The following CEP192 variants were observed in gnomAD, a reference collection of about 807,000 sequenced individuals.
CEP192 encodes centrosomal protein 192, also known as centrosomal protein of 192 kDa.
A neutral mutation model predicts 271.8 loss-of-function variants in CEP192; 151 were observed. The ratio of observed to expected loss-of-function variants is 0.56; its 90% CI spans 0.49 to 0.64. The LOEUF (loss-of-function observed/expected upper bound fraction) is 0.64. Among genes scored for constraint, CEP192 ranks in the 30% least tolerant of loss-of-function variants. The pLI is 0.00. For synonymous variants in CEP192, 995 were observed against 1,076.5 expected, an observed-to-expected ratio of 0.92 and a Z score of 1.48; for missense variants, 2,910 against 3,020.5, an observed-to-expected ratio of 0.96 and a Z score of 0.86.
At chr18:13,028,903 T>G (rs2035460284) in intron 9 of CEP192, among the ~76,000 whole-genome samples, 1 of 152,264 alleles carries the variant, frequency 6.6e-6, no homozygotes, top group African/African-American at 2.4e-5. Context: ...ATGTCTTTCT[T>G]ATTCGAAAGT....
At chr18:13,107,100 A>T (rs2144981550) in intron 40 of CEP192, among the ~76,000 whole-genome samples, 1 of 152,328 alleles carries the variant, frequency 6.6e-6, no homozygotes, top group South Asian at 2.1e-4. Flanking sequence ...ATATAGATTT[A>T]ATCTTCATAA....
At chr18:13,011,152 G>A (rs193293243) in intron 4 of CEP192, among the ~76,000 whole-genome samples, 2 of 151,678 alleles carry the variant, frequency 1.3e-5, no homozygotes, top group Non-Finnish European at 2.9e-5. Flanking sequence ...ACTTGAACCT[G>A]GGAGGTGGAG....
chr18:13,086,716 A>G (rs1364256277), intron 30 of CEP192, among the ~76,000 whole-genome samples: 1 of 152,214 alleles, frequency 6.6e-6, no homozygotes, highest in African/African-American at 2.4e-5. Flanking sequence ...TAAACTTCTT[A>G]ATCAAGCATA....
chr18:13,060,637 G>T (rs1036304179), intron 21 of CEP192, among the ~76,000 whole-genome samples: 1 of 152,030 alleles, frequency 6.6e-6, no homozygotes. Context: ...AAAATTAGTT[G>T]ATTTCACCTG....
At chr18:13,041,431 T>A (rs1444006185) in intron 14 of CEP192, among the ~76,000 whole-genome samples, 3 of 152,182 alleles carry the variant, frequency 2.0e-5, no homozygotes, top group Non-Finnish European at 4.4e-5. Context: ...TAAAGTTGTA[T>A]AAGATATGCT....
intron 36 of CEP192, among the ~76,000 whole-genome samples, chr18:13,098,710 A>G (rs1346433582): frequency 6.8e-6 from 1 of 146,530 alleles, no homozygotes; most frequent in Non-Finnish European, 1.5e-5. Flanking sequence ...GCAGCCAGGC[A>G]GAGGGGCCCC....
chr18:13,041,539 A>G (rs1302613393), intron 14 of CEP192, among the ~76,000 whole-genome samples: 2 of 149,946 alleles, frequency 1.3e-5, no homozygotes, highest in Non-Finnish European at 3.0e-5. Flanking sequence ...AGATGCACCC[A>G]CTTATTTCTT....
At chr18:12,995,693 G>A (rs1489260889) in intron 1 of CEP192, among the ~76,000 whole-genome samples, 1 of 152,234 alleles carries the variant, frequency 6.6e-6, no homozygotes, top group Non-Finnish European at 1.5e-5. Flanking sequence ...CAGTACTATA[G>A]AACAGAGAAA....
chr18:13,074,436 G>C (rs2038169804), intron 30 of CEP192, among the ~76,000 whole-genome samples: 1 of 152,150 alleles, frequency 6.6e-6, no homozygotes, highest in Admixed American at 6.5e-5. Flanking sequence ...TTTGTGGAGA[G>C]GACTAAATGG....
chr18:13,106,675 A>G (rs2039969341), intron 40 of CEP192, among the ~76,000 whole-genome samples: 3 of 150,072 alleles, frequency 2.0e-5, no homozygotes, highest in Non-Finnish European at 3.0e-5. Flanking sequence ...TACCACCACC[A>G]CCGCCACCAC....
At chr18:13,087,747 T>A in intron 32 of CEP192, 101 bp downstream of exon 32, 2 of 482,706 alleles carry the variant, frequency 4.1e-6, no homozygotes, top group Non-Finnish European at 7.2e-6. Flanking sequence ...TCACTATTTA[T>A]TAGTGAACTG....
chr18:13,081,221 G>A lies in CEP192; in HGVS notation c.5617-5796G>A, dbSNP rs1357273381. Among the ~76,000 whole-genome samples the A allele has an allele frequency of 2.0e-5, 3 of 152,164 alleles. No homozygotes were observed. In the East Asian group the frequency reaches 5.8e-4, roughly 29 times the overall value. The stretch of plus-strand genomic sequence containing the variant: ...AATAGTTTCAGAAGAAATGGTACCA[G>A]CTCCTCTTTGTACCTCTGGTAGAAT... On this transcript the variant is annotated intron_variant, in intron 30 of 44. Transcript: ENST00000506447.
At chr18:13,110,894 G>A (rs150449642) in intron 40 of CEP192, among the ~76,000 whole-genome samples, 1 of 152,202 alleles carries the variant, frequency 6.6e-6, no homozygotes, top group African/African-American at 2.4e-5. Context: ...AAAAATGAAA[G>A]CCAAGAGACT....
intron 34 of CEP192, among the ~76,000 whole-genome samples, chr18:13,094,662 G>C (rs2039303427): frequency 6.6e-6 from 1 of 152,152 alleles, no homozygotes. Flanking sequence ...GCAGGCACTA[G>C]GTGTGCTCAT....
Position 13,095,558 on chromosome 18 carries a change from G to A in CEP192, c.6310G>A (p.Val2104Ile). The A allele has an allele frequency of 6.2e-7, 1 of 1,614,194 alleles. No individual in the cohort carries two copies. The highest frequency in any genetic ancestry group is 8.5e-7 in the Non-Finnish European group (1 of 1,180,018). Residue 2104 changes from valine (V) to isoleucine (I), a missense_variant, in exon 35 of 45, where the codon GTC (valine) becomes ATC (isoleucine). Physicochemically the swap from Val to Ile is conservative, Grantham distance 29 (BLOSUM62 3). Coordinates refer to ENST00000506447, the MANE Select transcript of CEP192 (RefSeq NM_032142.4). ...GGNVSLDVLPVKGPQGSPLLS... is the reference protein window; with the variant it reads ...GGNVSLDVLPIKGPQGSPLLS... ...CAACGTCTCTTTGGATGTTTTACCAGTCAAAGGTCCTCAGGGTTCTCCTCT... is the reference window on the plus strand; with the variant it reads ...CAACGTCTCTTTGGATGTTTTACCAATCAAAGGTCCTCAGGGTTCTCCTCT...
chr18:13,017,828 A>G (rs2034745429), intron 7 of CEP192, among the ~76,000 whole-genome samples: 1 of 152,190 alleles, frequency 6.6e-6, no homozygotes, highest in South Asian at 2.1e-4. Context: ...CTTTATTCTT[A>G]CTATTTTTTA....
intron 44 of CEP192, among the ~76,000 whole-genome samples, chr18:13,122,560 G>A (rs908905215): frequency 2.0e-5 from 3 of 149,728 alleles, no homozygotes; most frequent in Admixed American, 1.3e-4. Context: ...CAGCTTGGGC[G>A]ACAGAGCGAG....
At chr18:13,121,163 C>T (rs2040640810) in intron 44 of CEP192, among the ~76,000 whole-genome samples, 1 of 152,230 alleles carries the variant, frequency 6.6e-6, no homozygotes, top group Admixed American at 6.5e-5. Flanking sequence ...AGTTAGCTTG[C>T]CTTGGCAGTG....
intron 31 of CEP192, 108 bp downstream of exon 31, chr18:13,087,385 A>C: frequency 2.7e-6 from 3 of 1,101,098 alleles, no homozygotes. Flanking sequence ...TAATGTAGGA[A>C]TAGAAGTACT....
Sources: gnomAD v4.1 joint callset for allele counts (sites outside exome capture counted in the v4.1 genomes callset) on GRCh38, gnomAD v4.1.1 for gene constraint, MANE v1.5 for transcripts, NCBI Gene and HGNC (gene_info 2026-07-23, HGNC 2026-07-21) for gene names.